ST6GALNAC3: variants seen among roughly 807,000 people sequenced by gnomAD.
The protein encoded by ST6GALNAC3 is ST6 N-acetylgalactosaminide alpha-2,6-sialyltransferase 3, also known as alpha-N-acetylgalactosaminide alpha-2,6-sialyltransferase 3.
ST6GALNAC3 carries 25 observed loss-of-function variants against 32.7 expected under a neutral mutation model. The ratio of observed to expected loss-of-function variants is 0.76; its 90% CI spans 0.56 to 1.07. The LOEUF (loss-of-function observed/expected upper bound fraction) is 1.07. Among genes scored for constraint, ST6GALNAC3 ranks in the 50% least tolerant of loss-of-function variants. ST6GALNAC3 has a pLI of 0.00. For missense variants in ST6GALNAC3, 355 were observed against 382.4 expected (o/e 0.93, Z 0.60); for synonymous variants, 129 against 133.1 (o/e 0.97, Z 0.21).
chr1:76,195,081 G>A (rs1654120832), intron 1 of ST6GALNAC3, among the ~76,000 whole-genome samples: 1 of 152,084 alleles, frequency 6.6e-6, no homozygotes, highest in Non-Finnish European at 1.5e-5. Context: ...TTATGTACTG[G>A]GAAGCTTTCA....
chr1:76,163,795 C>T (rs2100388383), intron 1 of ST6GALNAC3, among the ~76,000 whole-genome samples: 1 of 152,272 alleles, frequency 6.6e-6, no homozygotes, highest in Non-Finnish European at 1.5e-5. Flanking sequence ...AATTCATTTA[C>T]CTGATGTTGG....
At chr1:76,094,235 C>T (rs1647091797) in intron 1 of ST6GALNAC3, among the ~76,000 whole-genome samples, 1 of 152,084 alleles carries the variant, frequency 6.6e-6, no homozygotes, top group African/African-American at 2.4e-5. Context: ...AGGACAAAAT[C>T]ACGGAGGCGA....
intron 1 of ST6GALNAC3, among the ~76,000 whole-genome samples, chr1:76,297,270 A>G (rs935401029): frequency 6.6e-6 from 1 of 152,070 alleles, no homozygotes; most frequent in Non-Finnish European, 1.5e-5. Context: ...GTATCTCAAT[A>G]TCCACAGCAA....
chr1:76,527,971 G>C (rs1223177055), intron 3 of ST6GALNAC3, among the ~76,000 whole-genome samples: 1 of 152,112 alleles, frequency 6.6e-6, no homozygotes, highest in African/African-American at 2.4e-5. Context: ...TTACATATTA[G>C]TATGCTACGT....
At chr1:76,180,162 G>T (rs1455943979) in intron 1 of ST6GALNAC3, among the ~76,000 whole-genome samples, 3 of 152,166 alleles carry the variant, frequency 2.0e-5, no homozygotes, top group Non-Finnish European at 2.9e-5. Context: ...GCACATACTA[G>T]GTGTTCAGAA....
rs193123908 is a variant in ST6GALNAC3 at position 76,224,736 on chromosome 1, T to C, written c.19-89069T>C. Among the ~76,000 whole-genome samples the C allele has an allele frequency of 2.5e-3, 387 of 152,294 alleles. 1 individual carries two copies. The highest frequency in any genetic ancestry group is 0.013 in the South Asian group (65 of 4,820). ...CCTAGGTGGATAGAAATATTTCCCTTAAATCAGCCTGATAAAAAGTTCTCC... is the reference window on the plus strand; with the variant it reads ...CCTAGGTGGATAGAAATATTTCCCTCAAATCAGCCTGATAAAAAGTTCTCC... On this transcript the variant is annotated intron_variant, in intron 1 of 4. Coordinates refer to ENST00000328299, the MANE Select transcript of ST6GALNAC3 (RefSeq NM_152996.4).
intron 3 of ST6GALNAC3, among the ~76,000 whole-genome samples, chr1:76,439,768 C>T (rs953847895): frequency 2.6e-5 from 4 of 152,140 alleles, no homozygotes; most frequent in African/African-American, 9.7e-5. Flanking sequence ...AGGAGCTTGT[C>T]ACACACCAGA....
intron 1 of ST6GALNAC3, among the ~76,000 whole-genome samples, chr1:76,291,188 T>C (rs1397406268): frequency 6.6e-6 from 1 of 152,232 alleles, no homozygotes; most frequent in African/African-American, 2.4e-5. Flanking sequence ...AATCCAAGCT[T>C]CTTTTTGATG....
chr1:76,267,556 A>G (rs1437218420), intron 1 of ST6GALNAC3, among the ~76,000 whole-genome samples: 1 of 152,192 alleles, frequency 6.6e-6, no homozygotes, highest in Non-Finnish European at 1.5e-5. Context: ...ATATATTTTC[A>G]TACTGAGGTT....
At chr1:76,564,716 G>C (rs1160976715) in intron 3 of ST6GALNAC3, among the ~76,000 whole-genome samples, 1 of 151,578 alleles carries the variant, frequency 6.6e-6, no homozygotes, top group Non-Finnish European at 1.5e-5. Flanking sequence ...CTCCCAAGTA[G>C]CTGGGACTAT....
intron 2 of ST6GALNAC3, among the ~76,000 whole-genome samples, chr1:76,358,756 C>G (rs947090327): frequency 6.6e-6 from 1 of 152,184 alleles, no homozygotes; most frequent in Non-Finnish European, 1.5e-5. Context: ...CCACAGGTCT[C>G]TGCTTCATCT....
At chr1:76,255,341 A>G (rs1657860901) in intron 1 of ST6GALNAC3, among the ~76,000 whole-genome samples, 1 of 152,160 alleles carries the variant, frequency 6.6e-6, no homozygotes, top group South Asian at 2.1e-4. Flanking sequence ...TACATTTTGT[A>G]GAAAAAGCAA....
At chr1:76,127,268 T>A (rs969738535) in intron 1 of ST6GALNAC3, among the ~76,000 whole-genome samples, 2 of 152,136 alleles carry the variant, frequency 1.3e-5, no homozygotes, top group Non-Finnish European at 2.9e-5. Context: ...TTAATCAGCA[T>A]GAAAAGCCAC....
chr1:76,467,881 T>G (rs1658747061), intron 3 of ST6GALNAC3, among the ~76,000 whole-genome samples: 1 of 152,010 alleles, frequency 6.6e-6, no homozygotes, highest in Non-Finnish European at 1.5e-5. Flanking sequence ...CAATTTTCAC[T>G]GTATAAATGG....
intron 1 of ST6GALNAC3, among the ~76,000 whole-genome samples, chr1:76,090,848 T>G (rs539142644): frequency 2.0e-5 from 3 of 152,304 alleles, no homozygotes; most frequent in Admixed American, 2.0e-4. Flanking sequence ...TGGAACACTT[T>G]TGAGACATTT....
At chr1:76,230,260 T>A (rs188828782) in intron 1 of ST6GALNAC3, among the ~76,000 whole-genome samples, 2 of 152,200 alleles carry the variant, frequency 1.3e-5, no homozygotes, top group African/African-American at 4.8e-5. Context: ...CTAAGAACAG[T>A]TTGAAGCATA....
chr1:76,562,545 T>C (rs1188866074), intron 3 of ST6GALNAC3, among the ~76,000 whole-genome samples: 2 of 152,170 alleles, frequency 1.3e-5, no homozygotes, highest in East Asian at 1.9e-4. Context: ...CTCTGATGGG[T>C]AGAAACCTCA....
chr1:76,309,435 A>G (rs926873908), intron 1 of ST6GALNAC3, among the ~76,000 whole-genome samples: 1 of 152,186 alleles, frequency 6.6e-6, no homozygotes, highest in East Asian at 1.9e-4. Flanking sequence ...CCACATCCCT[A>G]TGACACACAC....
intron 1 of ST6GALNAC3, among the ~76,000 whole-genome samples, chr1:76,165,530 A>G (rs1652067652): frequency 6.6e-6 from 1 of 152,194 alleles, no homozygotes. Context: ...ATTTGGATAT[A>G]TACCCAGTAA....
Sources: allele counts gnomAD v4.1 joint callset (sites outside exome capture counted in the v4.1 genomes callset), GRCh38; gene constraint gnomAD v4.1.1; transcripts MANE v1.5; gene names NCBI Gene and HGNC (gene_info 2026-07-23, HGNC 2026-07-21).